Variants in MYO16 observed in about 807,000 individuals in gnomAD.
MYO16 encodes the protein unconventional myosin-XVI.
A neutral mutation model predicts 205.3 loss-of-function variants in MYO16; 94 were observed. That is an observed-to-expected ratio of 0.46 (90% CI 0.39 to 0.54). MYO16 has a LOEUF of 0.54. MYO16 is among the 20% of genes least tolerant of loss of function. The pLI is 0.00. For synonymous variants in MYO16, 988 were observed against 954.0 expected (o/e 1.04, Z -0.66); for missense variants, 2,315 against 2,387.5 (o/e 0.97, Z 0.63).
At chr13:109,077,315 C>T (rs1336047017) in intron 27 of MYO16, among the ~76,000 whole-genome samples, 1 of 152,168 alleles carries the variant, frequency 6.6e-6, no homozygotes, top group Admixed American at 6.6e-5. Context: ...CCACTGTGCC[C>T]AGCCTGTATA....
intron 21 of MYO16, among the ~76,000 whole-genome samples, chr13:108,996,006 T>C (rs1474539903): frequency 6.6e-6 from 1 of 152,178 alleles, no homozygotes; most frequent in Non-Finnish European, 1.5e-5. Context: ...AGTTCAACCA[T>C]TGTGGAAGTC....
intron 10 of MYO16, among the ~76,000 whole-genome samples, chr13:108,850,618 A>G (rs1877808703): frequency 6.6e-6 from 1 of 152,218 alleles, no homozygotes; most frequent in African/African-American, 2.4e-5. Flanking sequence ...CTGCAACATA[A>G]AAACATTCAC....
rs1879149166 is a variant in MYO16, at chr13:108,873,205, A to G, written c.1425+6963A>G. Among the ~76,000 whole-genome samples, 5 of 152,204 alleles carry G rather than the reference A, an allele frequency of 3.3e-5. 1 individual carries two copies. Among genetic ancestry groups the G allele is most frequent in the Admixed American group, 3.3e-4 (5 of 15,282 alleles). On this transcript the variant is annotated intron_variant, in intron 12 of 34. Transcript: ENST00000457511. ...TGTTCAAATATTTGGGTTTCTTCCC[A>G]TGTCAATTACTTTACAAGAAAAAAA...
intron 28 of MYO16, among the ~76,000 whole-genome samples, chr13:109,103,625 C>A (rs1889037702): frequency 6.6e-6 from 1 of 151,546 alleles, no homozygotes; most frequent in South Asian, 2.1e-4. Context: ...GTTTTCTCTT[C>A]TCTCTTTAAC....
At chr13:109,081,142 C>T (rs932892680) in intron 27 of MYO16, among the ~76,000 whole-genome samples, 11 of 152,024 alleles carry the variant, frequency 7.2e-5, no homozygotes, top group African/African-American at 2.7e-4. Flanking sequence ...AATTCTCATA[C>T]GTTATTTATT....
At chr13:108,686,170 C>T (rs1882668060) in intron 2 of MYO16, among the ~76,000 whole-genome samples, 3 of 152,152 alleles carry the variant, frequency 2.0e-5, no homozygotes, top group South Asian at 2.1e-4. Flanking sequence ...GGATCCCACA[C>T]CTGGCAGGAG....
At chr13:108,604,918 G>A (rs1415094110) in intron 1 of MYO16, among the ~76,000 whole-genome samples, 1 of 152,174 alleles carries the variant, frequency 6.6e-6, no homozygotes, top group African/African-American at 2.4e-5. Context: ...TGGATGGATG[G>A]ATTGGTGGTT....
chr13:108,548,481 A>G, the MYO16 span, among the ~76,000 whole-genome samples: 1 of 151,256 alleles, frequency 6.6e-6, no homozygotes, highest in Non-Finnish European at 1.5e-5. Flanking sequence ...GACGATGATG[A>G]TGCTGGTGGT....
At chr13:108,586,653 TGG>T in the MYO16 span, among the ~76,000 whole-genome samples, 1 of 152,132 alleles carries the variant, frequency 6.6e-6, no homozygotes. Flanking sequence ...AGGTGAAAAA[TGG>T]GTCAGGTAGT....
intron 1 of MYO16, among the ~76,000 whole-genome samples, chr13:108,654,838 G>A (rs1881171282): frequency 6.6e-6 from 1 of 152,112 alleles, no homozygotes. Flanking sequence ...AGAGAATGGT[G>A]GCATTTTGCC....
chr13:108,741,111 G>A (rs763391837), intron 4 of MYO16, among the ~76,000 whole-genome samples: 8 of 152,112 alleles, frequency 5.3e-5, no homozygotes, highest in African/African-American at 9.7e-5. Context: ...CCCTGCTTCA[G>A]CTCTTACTCG....
chr13:108,760,055 G>T (rs954814520), intron 4 of MYO16, among the ~76,000 whole-genome samples: 6 of 152,176 alleles, frequency 3.9e-5, no homozygotes, highest in African/African-American at 1.4e-4. Context: ...ATCTTTTATT[G>T]TGTGGGGGAG....
At chr13:108,957,254 C>T (rs929055131) in intron 16 of MYO16, among the ~76,000 whole-genome samples, 2 of 151,752 alleles carry the variant, frequency 1.3e-5, no homozygotes, top group East Asian at 2.0e-4. Flanking sequence ...CGTGGTGGCA[C>T]GCACCTGTAA....
chr13:109,063,694 G>A (rs552872828), intron 27 of MYO16, among the ~76,000 whole-genome samples: 6 of 152,268 alleles, frequency 3.9e-5, no homozygotes, highest in East Asian at 1.9e-4. Flanking sequence ...TAAAACAGCC[G>A]TGTTTGTGTG....
In MYO16 at chr13:108,998,739, G is replaced by A. The variant is rs11069759; in HGVS notation, c.2442+6291G>A. ...GCCATGTGAAGCTTCCATCAATCGC[G>A]AATCTAGAGGGTGACACTGGCTGTT... On this transcript the variant is annotated intron_variant, in intron 21 of 34. Coordinates refer to ENST00000457511, the MANE Select transcript of MYO16 (RefSeq NM_001198950.3). 9.6e-3 allele frequency among the ~76,000 whole-genome samples: 1,468 copies of A among 152,278 alleles called. 13 individuals carry two copies. Among genetic ancestry groups the A allele is most frequent in the South Asian group, 0.022 (106 of 4,826 alleles).
At chr13:109,081,090 A>G (rs1421588681) in intron 27 of MYO16, among the ~76,000 whole-genome samples, 4 of 152,188 alleles carry the variant, frequency 2.6e-5, no homozygotes, top group African/African-American at 9.6e-5. Flanking sequence ...AAACACACAT[A>G]CATAGACATA....
chr13:109,054,344 C>T (rs751304223), intron 25 of MYO16: 12 of 375,234 alleles, frequency 3.2e-5, no homozygotes, highest in East Asian at 8.9e-5. Context: ...AGTTATAAAA[C>T]GAGGAAGAGG....
intron 4 of MYO16, among the ~76,000 whole-genome samples, chr13:108,778,808 A>G (rs1220975095): frequency 2.0e-5 from 3 of 152,196 alleles, no homozygotes; most frequent in Non-Finnish European, 4.4e-5. Flanking sequence ...ACAGTCAGCA[A>G]TATGAACTCT....
intron 27 of MYO16, among the ~76,000 whole-genome samples, chr13:109,081,951 G>T (rs1354099104): frequency 2.0e-5 from 3 of 152,138 alleles, no homozygotes; most frequent in Admixed American, 6.5e-5. Flanking sequence ...TTTAAATAAA[G>T]TTTCATTGTT....
Sources: gnomAD v4.1 joint callset for allele counts (sites outside exome capture counted in the v4.1 genomes callset) on GRCh38, gnomAD v4.1.1 for gene constraint, MANE v1.5 for transcripts, NCBI Gene and HGNC (gene_info 2026-07-23, HGNC 2026-07-21) for gene names.